Variants in RGPD8 observed in about 807,000 individuals in gnomAD.
RGPD8 encodes RANBP2-like and GRIP domain-containing protein 8.
RGPD8 carries 15 observed loss-of-function variants against 89.1 expected under a neutral mutation model. The observed-to-expected ratio is 0.17, with a 90% CI of 0.11 to 0.26. The LOEUF is 0.26. Ranked by LOEUF, RGPD8 falls within the 10% of genes least tolerant of loss-of-function variation. The pLI, the probability that RGPD8 is intolerant of heterozygous loss-of-function variation, is 1.00. For missense variants in RGPD8, 178 were observed against 1,179.6 expected, an observed-to-expected ratio of 0.15 and a Z score of 12.44; for synonymous variants, 62 against 420.9, an observed-to-expected ratio of 0.15 and a Z score of 10.44.
At chr2:112,432,763 G>A (rs1030916337) in intron 1 of RGPD8, among the ~76,000 whole-genome samples, 5 of 152,118 alleles carry the variant, frequency 3.3e-5, no homozygotes, top group Admixed American at 2.0e-4. Flanking sequence ...GAGCACCGTC[G>A]GGAACAAACC....
At chr2:112,376,453 G>A (rs1661983274) in intron 22 of RGPD8, among the ~76,000 whole-genome samples, 1 of 117,428 alleles carries the variant, frequency 8.5e-6, no homozygotes. Flanking sequence ...TAGCATAAAT[G>A]ACCACTTTCT....
At chr2:112,423,952 G>A (rs1000598025) in intron 2 of RGPD8, among the ~76,000 whole-genome samples, 7 of 152,100 alleles carry the variant, frequency 4.6e-5, no homozygotes, top group Non-Finnish European at 1.0e-4. Flanking sequence ...TAAGATATAG[G>A]CATGGTCCTC....
chr2:112,408,690 G>C (rs1177996175), intron 7 of RGPD8, among the ~76,000 whole-genome samples: 3 of 150,772 alleles, frequency 2.0e-5, no homozygotes, highest in Non-Finnish European at 4.4e-5. Flanking sequence ...TTTTTTTTGA[G>C]ATGGAGTCTC....
At chr2:112,376,664 A>G (rs1678128444) in intron 22 of RGPD8, among the ~76,000 whole-genome samples, 1 of 151,990 alleles carries the variant, frequency 6.6e-6, no homozygotes, top group Non-Finnish European at 1.5e-5. Context: ...AAATAGAAAA[A>G]TTAGCTGGCG....
chr2:112,415,317 T>A (rs531187048), intron 6 of RGPD8, among the ~76,000 whole-genome samples: 2 of 152,214 alleles, frequency 1.3e-5, no homozygotes, highest in Non-Finnish European at 2.9e-5. Context: ...CCTGGGAGGT[T>A]CACAAGGCGG....
chr2:112,426,928 C>G (rs1679796817), intron 1 of RGPD8, among the ~76,000 whole-genome samples: 1 of 150,730 alleles, frequency 6.6e-6, no homozygotes, highest in African/African-American at 2.4e-5. Flanking sequence ...CGGGTACAAG[C>G]TGGGACTACA....
At chr2:112,415,149 CGAG>C (rs1679336460) in intron 6 of RGPD8, among the ~76,000 whole-genome samples, 1 of 150,524 alleles carries the variant, frequency 6.6e-6, no homozygotes, top group Admixed American at 6.6e-5. Context: ...TTCGGGAGGC[CGAG>C]GAGGGCAGAT....
chr2:112,415,063 C>A (rs1679332497), intron 6 of RGPD8, among the ~76,000 whole-genome samples: 1 of 146,420 alleles, frequency 6.8e-6, no homozygotes, highest in Non-Finnish European at 1.5e-5. Context: ...CATGATGAAA[C>A]CCTGTTTCTA....
intron 20 of RGPD8, among the ~76,000 whole-genome samples, chr2:112,382,260 CCCAT>C (rs1216219057): frequency 6.6e-6 from 1 of 152,170 alleles, no homozygotes; most frequent in Middle Eastern, 3.2e-3. Flanking sequence ...ATCCATCCAT[CCCAT>C]CCATCCATCC....
In RGPD8 at chr2:112,433,559, A is replaced by G; in HGVS notation, c.-106T>C. 2.5e-6 allele frequency: 3 copies of G among 1,216,044 alleles called. No homozygotes were observed. The highest frequency in any genetic ancestry group is 3.4e-6 in the Non-Finnish European group (3 of 883,432). 75.3% of individuals were successfully genotyped at this position (1,216,044 alleles called of 1,614,324 possible). The stretch of plus-strand genomic sequence containing the variant: ...CTGCAAGCCACTGAAGCAGCGGCGT[A>G]GCCGGCGGAGGCCCACTGTGACGAG... On this transcript the variant is annotated 5_prime_UTR_variant, in exon 1 of 23. Coordinates refer to ENST00000302558, the MANE Select transcript of RGPD8 (RefSeq NM_001164463.1).
chr2:112,371,094 T>A (rs1677954404), intron 22 of RGPD8, among the ~76,000 whole-genome samples: 1 of 150,922 alleles, frequency 6.6e-6, no homozygotes, highest in Admixed American at 6.7e-5. Context: ...TATATACAAC[T>A]TAGAATCTAA....
intron 1 of RGPD8, among the ~76,000 whole-genome samples, chr2:112,432,957 CGG>C (rs1328445782): frequency 9.3e-6 from 1 of 107,628 alleles, no homozygotes; most frequent in African/African-American, 3.1e-5. Context: ...AGGCCGCCGC[CGG>C]GCCGGGTCGA....
chr2:112,391,190 A>C (rs1678692697), intron 18 of RGPD8, 121 bp from the exon 19 acceptor site: 3 of 670,318 alleles, frequency 4.5e-6, no homozygotes, highest in Admixed American at 3.0e-5. Context: ...TAACTACATA[A>C]ATTTTAAATT....
In RGPD8 at chr2:112,414,246, CG is replaced by C. The variant is rs1041732262; in HGVS notation, c.783-1621del. Among the ~76,000 whole-genome samples, 2 of 131,784 alleles carry C rather than the reference CG, an allele frequency of 1.5e-5. 1 individual carries two copies. The highest frequency in any genetic ancestry group is 3.2e-5 in the Non-Finnish European group (2 of 62,326). 86.5% of individuals were successfully genotyped at this position (131,784 alleles called of 152,430 possible). On this transcript the variant is annotated intron_variant, in intron 6 of 22. Coordinates refer to ENST00000302558, the MANE Select transcript of RGPD8 (RefSeq NM_001164463.1). The stretch of plus-strand genomic sequence containing the variant: ...ATTCCAGCACTTTGGGAGGCCGAGG[CG>C]GGTGGATCACCTGAGGTCAGGAGTT...
rs147916785 is a variant in RGPD8 at position 112,429,635 on chromosome 2, A to G, written c.72+3747T>C. On this transcript the variant is annotated intron_variant, in intron 1 of 22. Coordinates refer to ENST00000302558, the MANE Select transcript of RGPD8 (RefSeq NM_001164463.1). ...ATCATTTACGCCCAAAAATTTGATGAGCAACACAGCAAGACCCTATTCTAA... is the reference window on the plus strand; with the variant it reads ...ATCATTTACGCCCAAAAATTTGATGGGCAACACAGCAAGACCCTATTCTAA... 8.7e-3 allele frequency among the ~76,000 whole-genome samples: 1,321 copies of G among 152,136 alleles called. 14 individuals carry two copies. Among genetic ancestry groups the G allele is most frequent in the African/African-American group, 0.026 (1,093 of 41,490 alleles).
intron 1 of RGPD8, chr2:112,432,730 C>T (rs1223376411): frequency 6.1e-6 from 6 of 985,188 alleles, no homozygotes; most frequent in African/African-American, 5.2e-5. Flanking sequence ...CCAGAAAGCC[C>T]GGGCCAGGGC....
intron 1 of RGPD8, among the ~76,000 whole-genome samples, chr2:112,428,002 G>A (rs1405509733): frequency 6.6e-6 from 1 of 152,280 alleles, no homozygotes; most frequent in East Asian, 1.9e-4. Context: ...AATGGTCAAA[G>A]AAATAATACA....
At chr2:112,431,774 C>T (rs1447430683) in intron 1 of RGPD8, among the ~76,000 whole-genome samples, 1 of 151,954 alleles carries the variant, frequency 6.6e-6, no homozygotes, top group East Asian at 1.9e-4. Context: ...GTAGCTGGGA[C>T]TACAGGCGTG....
At position 112,388,981 on chromosome 2, in the gene RGPD8, C is replaced by T; in HGVS notation, c.3964G>A (p.Val1322Ile). ...TCTCTCTCTTCTTCTTGAGTAACAA[C>T]AGATTCTTCATCAGTGCCAACTGAA... ...GTSVGTDEES[V>I]VTQEEERDGQ... is the part of the protein sequence containing the mutation. Residue 1322 changes from valine to isoleucine, a missense_variant, in exon 20 of 23, where the codon GTT (valine) becomes ATT (isoleucine). Physicochemically the swap from Val to Ile is conservative, Grantham distance 29. Coordinates refer to ENST00000302558, the MANE Select transcript of RGPD8 (RefSeq NM_001164463.1). 1.6e-6 allele frequency: 1 copy of T among 639,268 alleles called. No individual in the cohort carries two copies. The highest frequency in any genetic ancestry group is 2.5e-6 in the Non-Finnish European group (1 of 405,088). The allele number at this position is 639,268 out of a possible 1,614,324, so 39.6% of individuals were successfully genotyped here. A position where few individuals can be genotyped will look rare whatever the true frequency, so the allele number is the denominator to read the frequency against.
Sources: gnomAD v4.1 joint callset for allele counts (sites outside exome capture counted in the v4.1 genomes callset) on GRCh38, gnomAD v4.1.1 for gene constraint, MANE v1.5 for transcripts, NCBI Gene and HGNC (gene_info 2026-07-23, HGNC 2026-07-21) for gene names.